Variants in GLIS3 observed in about 807,000 individuals in gnomAD.
GLIS3 encodes the protein GLIS family zinc finger 3.
In GLIS3, 53 loss-of-function variants were observed where a neutral mutation model predicts 78.6. The ratio of observed to expected loss-of-function variants is 0.67; its 90% CI spans 0.54 to 0.85. The LOEUF (loss-of-function observed/expected upper bound fraction) is 0.85. Among genes scored for constraint, GLIS3 ranks in the 40% least tolerant of loss-of-function variants. GLIS3 has a pLI of 0.00. For missense variants in GLIS3, 1,703 were observed against 1,231.1 expected (o/e 1.38, Z -5.74); for synonymous variants, 684 against 509.9 (o/e 1.34, Z -4.60).
chr9:4,321,781 T>C (rs1817533038), intron 2 of GLIS3, among the ~76,000 whole-genome samples: 2 of 152,264 alleles, frequency 1.3e-5, no homozygotes, highest in Middle Eastern at 3.4e-3. Context: ...TGATCTCATC[T>C]TACCACAGCC....
chr9:4,455,472 A>G, the GLIS3 span, among the ~76,000 whole-genome samples: 1 of 152,196 alleles, frequency 6.6e-6, no homozygotes, highest in South Asian at 2.1e-4. Context: ...TGAGGATCAA[A>G]CAGACATAGG....
At chr9:4,438,755 C>A in the GLIS3 span, among the ~76,000 whole-genome samples, 1 of 152,130 alleles carries the variant, frequency 6.6e-6, no homozygotes, top group Non-Finnish European at 1.5e-5. Flanking sequence ...GAGTTCTGCA[C>A]AAGCTCTCTC....
intron 2 of GLIS3, among the ~76,000 whole-genome samples, chr9:4,165,889 T>C (rs1423759358): frequency 6.6e-6 from 1 of 152,144 alleles, no homozygotes; most frequent in Non-Finnish European, 1.5e-5. Context: ...CTCCAATGTT[T>C]GGGGAGGCAG....
intron 4 of GLIS3, among the ~76,000 whole-genome samples, chr9:3,973,156 G>A (rs1818514014): frequency 2.0e-5 from 3 of 152,124 alleles, no homozygotes; most frequent in Admixed American, 2.0e-4. Flanking sequence ...AGTCTGCTAG[G>A]GTTCCAAATG....
intron 4 of GLIS3, among the ~76,000 whole-genome samples, chr9:4,109,585 G>C (rs1831046124): frequency 6.6e-6 from 1 of 152,198 alleles, no homozygotes; most frequent in Admixed American, 6.5e-5. Flanking sequence ...GGAAGTCAAA[G>C]TTTCATTTCA....
At chr9:4,085,128 T>C (rs10283748) in intron 4 of GLIS3, among the ~76,000 whole-genome samples, 18,086 of 152,138 alleles carry the variant, frequency 0.12, 1,159 homozygotes, top group Non-Finnish European at 0.14. Context: ...TCTCTCAATC[T>C]TGACTTGACT....
At chr9:4,437,099 G>T in the GLIS3 span, among the ~76,000 whole-genome samples, 3 of 152,104 alleles carry the variant, frequency 2.0e-5, no homozygotes, top group African/African-American at 7.2e-5. Flanking sequence ...GATAGAAGAG[G>T]ACAGAAGAAG....
intron 4 of GLIS3, among the ~76,000 whole-genome samples, chr9:4,105,715 T>A (rs767842804): frequency 6.6e-6 from 1 of 152,192 alleles, no homozygotes; most frequent in Non-Finnish European, 1.5e-5. Flanking sequence ...ACTATCTCAA[T>A]AGAGTAAGCA....
chr9:4,327,026 G>C (rs1445825978), intron 2 of GLIS3, among the ~76,000 whole-genome samples: 1 of 152,182 alleles, frequency 6.6e-6, no homozygotes, highest in African/African-American at 2.4e-5. Flanking sequence ...GAGTCAGGTG[G>C]GGTAGACAGA....
chr9:4,278,673 C>T (rs1051517450), intron 2 of GLIS3, among the ~76,000 whole-genome samples: 3 of 152,162 alleles, frequency 2.0e-5, no homozygotes, highest in Non-Finnish European at 2.9e-5. Flanking sequence ...TGCAACCAAC[C>T]ATGTAAAAAC....
the GLIS3 span, among the ~76,000 whole-genome samples, chr9:4,480,859 C>A: frequency 6.7e-6 from 1 of 148,624 alleles, no homozygotes; most frequent in African/African-American, 2.5e-5. Context: ...AACCCACCTA[C>A]TGGTTTTTTT....
At chr9:4,298,503 C>T (rs1202660202) in intron 1 of GLIS3, 12 of 437,598 alleles carry the variant, frequency 2.7e-5, no homozygotes, top group Non-Finnish European at 4.6e-5. Context: ...AACTGTCGCT[C>T]GGGGCAAGGT....
intron 2 of GLIS3, among the ~76,000 whole-genome samples, chr9:4,316,485 G>A (rs1817438190): frequency 1.3e-5 from 2 of 152,194 alleles, no homozygotes; most frequent in Non-Finnish European, 2.9e-5. Context: ...TAACATTGAT[G>A]AGAAAAACAA....
chr9:4,354,988 T>C, the GLIS3 span, among the ~76,000 whole-genome samples: 873 of 151,742 alleles, frequency 5.8e-3, 5 homozygotes, highest in Middle Eastern at 0.014. Context: ...TGGTGGCGGG[T>C]GCCTGTAGTC....
rs1817694231 is a variant in GLIS3, at chr9:3,825,762, C to T, written c.*2510G>A. 1 of 152,234 alleles carries T rather than the reference C, an allele frequency of 6.6e-6. No individual in the cohort carries two copies. Among genetic ancestry groups the T allele is most frequent in the African/African-American group, 2.4e-5 (1 of 41,426 alleles). 9.4% of individuals were successfully genotyped at this position (152,234 alleles called of 1,614,324 possible). ...TGGAAGGCATCTGAACGTGTCCTAT[C>T]CTGAGGCTGCAATCTCAAGCCTGCA... is the stretch of plus-strand genomic sequence containing the variant. On this transcript the variant is annotated 3_prime_UTR_variant, in exon 11 of 11. Coordinates refer to ENST00000381971, the MANE Select transcript of GLIS3 (RefSeq NM_001042413.2).
intron 4 of GLIS3, among the ~76,000 whole-genome samples, chr9:3,938,000 T>C (rs1461067806): frequency 6.6e-6 from 1 of 152,230 alleles, no homozygotes; most frequent in Non-Finnish European, 1.5e-5. Flanking sequence ...TAACATTTAC[T>C]CAATGTCTTC....
the GLIS3 span, among the ~76,000 whole-genome samples, chr9:4,409,927 C>G: frequency 3.9e-5 from 6 of 152,122 alleles, no homozygotes; most frequent in African/African-American, 1.4e-4. Context: ...TGACAGTATA[C>G]ATAAACACAG....
Position 4,286,306 on chromosome 9 carries a change from G to A in GLIS3, c.120C>T (p.Pro40=), listed in dbSNP as rs374760147. ...GACTCGATGTGCTGCCACAGGGCGA[G>A]GGGCCAGGAGTCCCGGAGTGGGCTC... ...AIRAHSGTPG[P]SPCGSTSSPT... is the part of the protein sequence containing the mutation. The change falls in exon 2 of 11, where the codon CCC becomes CCT. Residue 40 remains proline, a synonymous_variant. Transcript: ENST00000381971. The A allele has an allele frequency of 4.6e-5, 74 of 1,614,098 alleles. No individual in the cohort carries two copies. The highest frequency in any genetic ancestry group is 5.9e-5 in the Non-Finnish European group (70 of 1,180,040).
chr9:4,135,928 A>G (rs1833374276), intron 2 of GLIS3, among the ~76,000 whole-genome samples: 1 of 152,226 alleles, frequency 6.6e-6, no homozygotes, highest in Non-Finnish European at 1.5e-5. Context: ...CAAATTCATA[A>G]TATTTCACTG....
Sources: allele counts gnomAD v4.1 joint callset (sites outside exome capture counted in the v4.1 genomes callset), GRCh38; gene constraint gnomAD v4.1.1; transcripts MANE v1.5; gene names NCBI Gene and HGNC (gene_info 2026-07-23, HGNC 2026-07-21).